MAP7D2: variants seen among roughly 807,000 people sequenced by gnomAD.
The protein encoded by MAP7D2 is MAP7 domain containing 2, also known as MAP7 domain-containing protein 2.
In MAP7D2, 33 loss-of-function variants were observed where a neutral mutation model predicts 63.5. The observed-to-expected ratio is 0.52, with a 90% CI of 0.39 to 0.70. The LOEUF is 0.70. Among genes scored for constraint, MAP7D2 ranks in the 30% least tolerant of loss-of-function variants. The pLI is 0.00. For missense variants in MAP7D2, 626 were observed against 604.0 expected, an observed-to-expected ratio of 1.04 and a Z score of -0.38; for synonymous variants, 224 against 223.7, an observed-to-expected ratio of 1.00 and a Z score of -0.01.
At chrX:20,034,225 CAAAAAAAAAAAAAA>C (rs397895765) in intron 8 of MAP7D2, among the ~76,000 whole-genome samples, 3 of 27,209 alleles carry the variant, frequency 1.1e-4, no homozygotes, top group African/African-American at 5.0e-4. Context: ...ACCCTGTCTC[CAAAAAAAAAAAAAA>C]AAAAAAAAAA....
chrX:20,108,513 G>A (rs1467061344), intron 1 of MAP7D2, among the ~76,000 whole-genome samples: 1 of 110,047 alleles, frequency 9.1e-6, no homozygotes, highest in Non-Finnish European at 1.9e-5. Flanking sequence ...GGGATTACAG[G>A]TGTGAGCCAC....
At chrX:20,049,077 C>G (rs1010333141) in intron 6 of MAP7D2, among the ~76,000 whole-genome samples, 4 of 110,030 alleles carry the variant, frequency 3.6e-5, no homozygotes, top group Admixed American at 9.8e-5. Flanking sequence ...AAAGAAACTT[C>G]GTCCGTTAAG....
In MAP7D2 at chrX:20,012,989, TACACCA is replaced by T. The variant is rs1182599459; in HGVS notation, c.1885+59_1885+64del. The T allele has an allele frequency of 1.5e-5, 15 of 970,137 alleles. No individual in the cohort carries two copies. The Admixed American group carries it at 1.6e-4, about 10-fold the overall frequency. The allele number at this position is 970,137 out of a possible 1,213,427, so 80.0% of individuals were successfully genotyped here. A position where few individuals can be genotyped will look rare whatever the true frequency, so the allele number is the denominator to read the frequency against. ...TTGGGATCCATGGGTCTGTTTACCCTACACCAAGTCTTACGAGCTTTTGCTACTAAA... is the reference window on the plus strand; with the variant it reads ...TTGGGATCCATGGGTCTGTTTACCCTAGTCTTACGAGCTTTTGCTACTAAA... On this transcript the variant is annotated intron_variant, in intron 14 of 16. Transcript: ENST00000379643.
chrX:20,060,428 GAGAGAGAAAGAAAGAAAGAAAGAAAGAA>G (rs1214432323), intron 3 of MAP7D2, among the ~76,000 whole-genome samples: 45 of 80,673 alleles, frequency 5.6e-4, no homozygotes, highest in African/African-American at 2.0e-3. Flanking sequence ...GAGAGAGAGA[GAGAGAGAAAGAAAGAAAGAAAGAAAGAA>G]AGAAAGAAAG....
chrX:20,113,517 T>C (rs1361857952), intron 1 of MAP7D2, among the ~76,000 whole-genome samples: 1 of 112,323 alleles, frequency 8.9e-6, no homozygotes, highest in Non-Finnish European at 1.9e-5. Context: ...GTGCTGGGAT[T>C]ACAGGCGTGA....
chrX:20,011,020 G>A lies in MAP7D2; in HGVS notation c.2105C>T (p.Pro702Leu), dbSNP rs149010033. The A allele has an allele frequency of 7.3e-5, 88 of 1,208,317 alleles. No individual in the cohort carries two copies. The highest frequency in any genetic ancestry group is 1.2e-4 in the East Asian group (4 of 33,784). ...PVSKEELISI[P>L]EFSPVSEMIP... ...CATTTCACTCACTGGTGAAAATTCC[G>A]GGATAGAGATAAGCTCTTCTTTTGA... The change falls in exon 16 of 17, where the codon CCG (proline) becomes CTG (leucine). Residue 702 changes from proline to leucine, a missense_variant. Transcript: ENST00000379643.
intron 3 of MAP7D2, among the ~76,000 whole-genome samples, chrX:20,057,615 C>T (rs1417551556): frequency 8.9e-6 from 1 of 111,896 alleles, no homozygotes; most frequent in Admixed American, 9.5e-5. Context: ...CACTCCCCAC[C>T]ACCTCCGTGA....
intron 1 of MAP7D2, among the ~76,000 whole-genome samples, chrX:20,080,958 A>G (rs1331136799): frequency 8.9e-6 from 1 of 111,877 alleles, no homozygotes; most frequent in African/African-American, 3.3e-5. Context: ...CGGTTGCTCA[A>G]TGAGGGTTGT....
At chrX:20,037,598 G>A (rs2064530932) in intron 8 of MAP7D2, among the ~76,000 whole-genome samples, 1 of 112,087 alleles carries the variant, frequency 8.9e-6, no homozygotes, top group South Asian at 3.7e-4. Flanking sequence ...TTCCCAGTGG[G>A]CACAACTCCG....
intron 10 of MAP7D2, among the ~76,000 whole-genome samples, chrX:20,016,688 A>C (rs1353387474): frequency 8.9e-6 from 1 of 112,343 alleles, no homozygotes; most frequent in Non-Finnish European, 1.9e-5. Flanking sequence ...CCTAAGCAGA[A>C]TATTTAAAAC....
chrX:20,052,231 T>C, intron 5 of MAP7D2, among the ~76,000 whole-genome samples: 1 of 112,341 alleles, frequency 8.9e-6, no homozygotes, highest in Non-Finnish European at 1.9e-5. Context: ...CTCTGAAAGG[T>C]ATAAACAGAC....
intron 8 of MAP7D2, among the ~76,000 whole-genome samples, chrX:20,026,607 G>C (rs1034841883): frequency 8.9e-6 from 1 of 112,226 alleles, no homozygotes; most frequent in Non-Finnish European, 1.9e-5. Flanking sequence ...GGGATGGGGG[G>C]TGTTTTTTGG....
intron 8 of MAP7D2, among the ~76,000 whole-genome samples, chrX:20,037,940 A>G (rs1424106548): frequency 1.8e-5 from 2 of 111,661 alleles, no homozygotes; most frequent in Non-Finnish European, 3.8e-5. Flanking sequence ...TCATTGCACA[A>G]TGGGTCCATG....
chrX:20,077,933 T>C (rs771196812), intron 1 of MAP7D2, among the ~76,000 whole-genome samples: 3 of 112,427 alleles, frequency 2.7e-5, no homozygotes, highest in Non-Finnish European at 5.6e-5. Context: ...ACGCCCTTTA[T>C]GGTAGAAATG....
rs757761163 is a variant in MAP7D2, at chrX:20,088,321, C to A, written c.131-23516G>T. ...TTTTTTTTTTTTTTTGAGACGGAGT[C>A]TCGCTCTGTGTCCCAGGCTGGAGTG... On this transcript the variant is annotated intron_variant, in intron 1 of 16. Transcript: ENST00000379643. Among the ~76,000 whole-genome samples, 6 of 101,955 alleles carry A rather than the reference C, an allele frequency of 5.9e-5. No homozygotes were observed. In the East Asian group the frequency reaches 1.8e-3, roughly 31 times the overall value. The allele number at this position is 101,955 out of a possible 115,157, so 88.5% of individuals were successfully genotyped here. A position where few individuals can be genotyped will look rare whatever the true frequency, so the allele number is the denominator to read the frequency against.
intron 1 of MAP7D2, among the ~76,000 whole-genome samples, chrX:20,110,092 C>CTT (rs1045247492): frequency 1.2e-4 from 11 of 94,993 alleles, no homozygotes; most frequent in Non-Finnish European, 1.7e-4. Context: ...GTTGCACAGA[C>CTT]TTTTTTTTTT....
intron 10 of MAP7D2, among the ~76,000 whole-genome samples, chrX:20,019,954 C>G (rs2073577934): frequency 8.9e-6 from 1 of 112,077 alleles, no homozygotes; most frequent in Non-Finnish European, 1.9e-5. Context: ...GGCTGGTTAT[C>G]TGCCTGCTGG....
In MAP7D2 at chrX:20,006,738, T is replaced by C. The variant is rs949218698; in HGVS notation, c.*1687A>G. The C allele has an allele frequency of 1.4e-4, 16 of 112,111 alleles. No individual in the cohort carries two copies. Among genetic ancestry groups the C allele is most frequent in the Non-Finnish European group, 1.1e-4 (6 of 53,262 alleles). The allele number at this position is 112,111 out of a possible 1,213,427, so 9.2% of individuals were successfully genotyped here. On this transcript the variant is annotated 3_prime_UTR_variant, in exon 17 of 17. Coordinates refer to ENST00000379643, the MANE Select transcript of MAP7D2 (RefSeq NM_001168465.2). ...TTGGCACTGGCAACAAAGGAATTTT[T>C]AATGAGTTTGACAGGGAAAGGACAC...
chrX:20,010,384 T>C (rs991149489), intron 16 of MAP7D2, among the ~76,000 whole-genome samples: 2 of 111,960 alleles, frequency 1.8e-5, no homozygotes, highest in African/African-American at 3.2e-5. Context: ...TGATTCTAGA[T>C]AGAATGTGGG....
Sources: gnomAD v4.1 joint callset for allele counts (sites outside exome capture counted in the v4.1 genomes callset) on GRCh38, gnomAD v4.1.1 for gene constraint, MANE v1.5 for transcripts, NCBI Gene and HGNC (gene_info 2026-07-23, HGNC 2026-07-21) for gene names.